Variants in SYCE1L observed in about 807,000 individuals in gnomAD.
The protein encoded by SYCE1L is synaptonemal complex central element protein 1 like, also known as synaptonemal complex central element protein 1-like.
In SYCE1L, 51 loss-of-function variants were observed where a neutral mutation model predicts 39.6. The observed-to-expected ratio is 1.29, with a 90% CI of 1.03 to 1.63. SYCE1L has a LOEUF of 1.63. Among genes scored for constraint, SYCE1L ranks in the 40% most tolerant of loss-of-function variants. The pLI is 0.00. For missense variants in SYCE1L, 426 were observed against 304.9 expected (o/e 1.40, Z -2.96); for synonymous variants, 147 against 122.4 (o/e 1.20, Z -1.33).
chr16:77,204,302 C>T (rs2054769592), intron 1 of SYCE1L, among the ~76,000 whole-genome samples: 1 of 152,240 alleles, frequency 6.6e-6, no homozygotes, highest in East Asian at 1.9e-4. Context: ...TGTGTCCCTC[C>T]AAAATTCATG....
chr16:77,206,426 T>C lies in SYCE1L; in HGVS notation c.62-15T>C. The C allele has an allele frequency of 1.3e-6, 2 of 1,551,194 alleles. No homozygotes were observed. The highest frequency in any genetic ancestry group is 2.4e-5 in the South Asian group (2 of 83,994). ...CTCTCGCTGTGTCCTGTAATTTTGA[T>C]TTTCCTTTCTACAGGGCAAGCCAAG... is the stretch of plus-strand genomic sequence containing the variant. On this transcript the variant is annotated splice_polypyrimidine_tract_variant and intron_variant, in intron 1 of 10. Coordinates refer to ENST00000378644, the MANE Select transcript of SYCE1L (RefSeq NM_001129979.3).
intron 1 of SYCE1L, chr16:77,199,884 CAT>C (rs1291481597): frequency 5.6e-6 from 1 of 178,752 alleles, no homozygotes; most frequent in Non-Finnish European, 1.2e-5. Flanking sequence ...ACACCTAACA[CAT>C]ATGACACTTT....
intron 6 of SYCE1L, among the ~76,000 whole-genome samples, chr16:77,209,995 A>G (rs893911918): frequency 6.6e-6 from 1 of 152,136 alleles, no homozygotes; most frequent in African/African-American, 2.4e-5. Context: ...CACTTAGCCA[A>G]ACATCCATCC....
Position 77,212,202 on chromosome 16 carries a change from G to T in SYCE1L, c.493+3G>T. On this transcript the variant is annotated splice_donor_region_variant and intron_variant, in intron 8 of 10. Coordinates refer to ENST00000378644, the MANE Select transcript of SYCE1L (RefSeq NM_001129979.3). Reference sequence around the variant, plus strand: ...CAAGGAGCAGCTGCTCTCGGAGAGTGAGCCTCCCGCGCCAGGTGGGCGGGG... The same window carrying T: ...CAAGGAGCAGCTGCTCTCGGAGAGTTAGCCTCCCGCGCCAGGTGGGCGGGG... 6.5e-7 allele frequency: 1 copy of T among 1,547,070 alleles called. No homozygotes were observed. Among genetic ancestry groups the T allele is most frequent in the South Asian group, 1.2e-5 (1 of 83,872 alleles).
At position 77,210,336 on chromosome 16, in the gene SYCE1L, G is replaced by A. The variant is rs968013090; in HGVS notation, c.359+865G>A. Reference sequence around the variant, plus strand: ...ATTACAGGCGTGAGCTACCACACCCGACATCTTCTGAACTTTTACCTAGCA... The same window carrying A: ...ATTACAGGCGTGAGCTACCACACCCAACATCTTCTGAACTTTTACCTAGCA... On this transcript the variant is annotated intron_variant, in intron 6 of 10. Coordinates refer to ENST00000378644, the MANE Select transcript of SYCE1L (RefSeq NM_001129979.3). Among the ~76,000 whole-genome samples the A allele has an allele frequency of 1.1e-4, 17 of 152,094 alleles. No homozygotes were observed. In the South Asian group the frequency reaches 1.2e-3, roughly 11 times the overall value.
chr16:77,212,988 C>A lies in SYCE1L; in HGVS notation c.*57C>A. 1 of 1,418,618 alleles carries A rather than the reference C, an allele frequency of 7.0e-7. No individual in the cohort carries two copies. The allele number at this position is 1,418,618 out of a possible 1,614,324, so 87.9% of individuals were successfully genotyped here. A position where few individuals can be genotyped will look rare whatever the true frequency, so the allele number is the denominator to read the frequency against. On this transcript the variant is annotated 3_prime_UTR_variant, in exon 11 of 11. Coordinates refer to ENST00000378644, the MANE Select transcript of SYCE1L (RefSeq NM_001129979.3). ...CTCGAGACCCGCCAAGAAATAAAGG[C>A]GATGATTTCCGACCATGCTCGCGTT...
At chr16:77,212,723 C>T in intron 10 of SYCE1L, 77 bp downstream of exon 10, 1 of 1,445,474 alleles carries the variant, frequency 6.9e-7, no homozygotes, top group Non-Finnish European at 9.1e-7. Context: ...CTGGGAGCGG[C>T]CCCCGAGAGT....
intron 1 of SYCE1L, 91 bp downstream of exon 1, chr16:77,199,603 A>G: frequency 9.4e-7 from 1 of 1,066,674 alleles, no homozygotes; most frequent in Non-Finnish European, 1.4e-6. Context: ...AAATAATGAT[A>G]TTCTAATTTT....
chr16:77,206,398 T>C, intron 1 of SYCE1L, 43 bp from the exon 2 acceptor site: 2 of 1,533,828 alleles, frequency 1.3e-6, no homozygotes, highest in East Asian at 2.5e-5. Context: ...CTCTCCCCTC[T>C]CACTCTCGCT....
At chr16:77,206,526 C>G (rs1375400281) in intron 2 of SYCE1L, 26 bp downstream of exon 2, 1 of 1,551,158 alleles carries the variant, frequency 6.4e-7, no homozygotes, top group Non-Finnish European at 8.7e-7. Flanking sequence ...GTTTCTGAGC[C>G]TCAGCCTGGG....
In SYCE1L at chr16:77,209,480, C is replaced by A; in HGVS notation, c.359+9C>A. The A allele has an allele frequency of 6.4e-7, 1 of 1,551,674 alleles. No individual in the cohort carries two copies. The highest frequency in any genetic ancestry group is 8.7e-7 in the Non-Finnish European group (1 of 1,146,976). On this transcript the variant is annotated intron_variant, in intron 6 of 10. Transcript: ENST00000378644. Reference sequence around the variant, plus strand: ...GAAAGCGAGGCTCAGAGGTAAGAGGCCCTGCCTCAGCTCTTCCCTACCTCA... The same window carrying A: ...GAAAGCGAGGCTCAGAGGTAAGAGGACCTGCCTCAGCTCTTCCCTACCTCA...
At chr16:77,200,272 G>GTATATATATA (rs1333107439) in intron 1 of SYCE1L, 18 of 84,620 alleles carry the variant, frequency 2.1e-4, no homozygotes, top group East Asian at 6.6e-4. Context: ...ATATATATAT[G>GTATATATATA]TGTATATATA....
At chr16:77,204,317 C>T (rs1394025721) in intron 1 of SYCE1L, among the ~76,000 whole-genome samples, 1 of 152,184 alleles carries the variant, frequency 6.6e-6, no homozygotes, top group Non-Finnish European at 1.5e-5. Context: ...TTCATGTCCA[C>T]CAGAACTTCA....
At chr16:77,202,075 G>A (rs538990690) in intron 1 of SYCE1L, 1 of 152,182 alleles carries the variant, frequency 6.6e-6, no homozygotes, top group Non-Finnish European at 1.5e-5. Context: ...CTAGAAAAAT[G>A]TAAGTAGTCA....
intron 1 of SYCE1L, 26 bp from the exon 2 acceptor site, chr16:77,206,415 T>C: frequency 6.5e-7 from 1 of 1,549,890 alleles, no homozygotes. Flanking sequence ...CGCTGTGTCC[T>C]GTAATTTTGA....
In SYCE1L at chr16:77,203,384, T is replaced by A. The variant is rs143177222; in HGVS notation, c.62-3057T>A. Among the ~76,000 whole-genome samples, 3 of 150,984 alleles carry A rather than the reference T, an allele frequency of 2.0e-5. No individual in the cohort carries two copies. The East Asian group carries it at 5.9e-4, about 30-fold the overall frequency. On this transcript the variant is annotated intron_variant, in intron 1 of 10. Coordinates refer to ENST00000378644, the MANE Select transcript of SYCE1L (RefSeq NM_001129979.3). Reference sequence around the variant, plus strand: ...GTAATTTAAAAATTAAAATGCAAATTAAAATAATACATACTAATTTATAAA... The same window carrying A: ...GTAATTTAAAAATTAAAATGCAAATAAAAATAATACATACTAATTTATAAA...
intron 1 of SYCE1L, among the ~76,000 whole-genome samples, chr16:77,204,146 G>A (rs2054768101): frequency 6.6e-6 from 1 of 152,018 alleles, no homozygotes. Context: ...ACAGGTGAAA[G>A]GCAATTTCCT....
chr16:77,204,239 A>C (rs1401629914), intron 1 of SYCE1L, among the ~76,000 whole-genome samples: 1 of 152,216 alleles, frequency 6.6e-6, no homozygotes, highest in Non-Finnish European at 1.5e-5. Context: ...CAGTAGATAC[A>C]GTCTAATGCA....
chr16:77,209,937 C>G (rs2054811039), intron 6 of SYCE1L, among the ~76,000 whole-genome samples: 1 of 152,224 alleles, frequency 6.6e-6, no homozygotes, highest in African/African-American at 2.4e-5. Context: ...AATCTTCCAT[C>G]CATCCAATCA....
Sources: allele counts gnomAD v4.1 joint callset (sites outside exome capture counted in the v4.1 genomes callset), GRCh38; gene constraint gnomAD v4.1.1; transcripts MANE v1.5; gene names NCBI Gene and HGNC (gene_info 2026-07-23, HGNC 2026-07-21).